Variants in PDK1 observed in about 807,000 individuals in gnomAD.
PDK1 encodes [Pyruvate dehydrogenase (acetyl-transferring)] kinase isozyme 1, mitochondrial.
A neutral mutation model predicts 54.2 loss-of-function variants in PDK1; 39 were observed. The ratio of observed to expected loss-of-function variants is 0.72; its 90% CI spans 0.56 to 0.94. The LOEUF (loss-of-function observed/expected upper bound fraction) is 0.94. Ranked by LOEUF, PDK1 falls within the 40% of genes least tolerant of loss-of-function variation. PDK1 has a pLI of 0.00. For missense variants in PDK1, 552 were observed against 566.0 expected (o/e 0.98, Z 0.25); for synonymous variants, 221 against 207.1 (o/e 1.07, Z -0.58).
chr2:172,653,076 C>T, the PDK1 span, among the ~76,000 whole-genome samples: 5 of 152,164 alleles, frequency 3.3e-5, no homozygotes, highest in Non-Finnish European at 5.9e-5. Context: ...AACTATACTA[C>T]AAGGCTATGG....
chr2:172,644,376 T>A, the PDK1 span, among the ~76,000 whole-genome samples: 1 of 152,212 alleles, frequency 6.6e-6, no homozygotes, highest in Non-Finnish European at 1.5e-5. Flanking sequence ...CTGGCTCTGA[T>A]GGTCATTAGT....
chr2:172,642,809 CT>C, the PDK1 span, among the ~76,000 whole-genome samples: 1 of 146,800 alleles, frequency 6.8e-6, no homozygotes, highest in African/African-American at 2.7e-5. Flanking sequence ...CCTCCTCCTC[CT>C]TCTTCTTCTC....
chr2:172,589,779 C>T (rs1312936024), intron 9 of PDK1, among the ~76,000 whole-genome samples: 7 of 152,196 alleles, frequency 4.6e-5, no homozygotes, highest in Non-Finnish European at 1.0e-4. Flanking sequence ...TGTCATCAAA[C>T]ATATGACTTG....
At position 172,557,610 on chromosome 2, in the gene PDK1, CGTGTGTGTGT is replaced by C. The variant is rs55753852; in HGVS notation, c.197-1071_197-1062del. On this transcript the variant is annotated intron_variant, in intron 1 of 10. Transcript: ENST00000282077. ...TTCCTCTGCACTTACTCTTTTTTCC[CGTGTGTGTGT>C]GTGTGTGTGTGTGTGTGTGTGTGTG... is the stretch of plus-strand genomic sequence containing the variant. Among the ~76,000 whole-genome samples, 1,159 of 142,006 alleles carry C rather than the reference CGTGTGTGTGT, an allele frequency of 8.2e-3. 11 individuals are homozygous for C. Among genetic ancestry groups the C allele is most frequent in the African/African-American group, 0.027 (1,030 of 37,838 alleles). The allele number at this position is 142,006 out of a possible 152,430, so 93.2% of individuals were successfully genotyped here.
At chr2:172,622,769 G>T in the PDK1 span, among the ~76,000 whole-genome samples, 18 of 146,438 alleles carry the variant, frequency 1.2e-4, no homozygotes, top group South Asian at 2.1e-3. Flanking sequence ...CATTATGTGA[G>T]ATGTTTATAT....
At chr2:172,584,334 G>T (rs908708502) in intron 8 of PDK1, among the ~76,000 whole-genome samples, 3 of 150,772 alleles carry the variant, frequency 2.0e-5, no homozygotes, top group African/African-American at 4.9e-5. Flanking sequence ...TTTTATAATA[G>T]AATTTTTGCA....
chr2:172,707,639 T>C, the PDK1 span, among the ~76,000 whole-genome samples: 3 of 152,202 alleles, frequency 2.0e-5, no homozygotes, highest in African/African-American at 7.2e-5. Flanking sequence ...TCTTCTTCAC[T>C]CCACCTTTCA....
chr2:172,700,967 C>T, the PDK1 span, among the ~76,000 whole-genome samples: 9 of 151,954 alleles, frequency 5.9e-5, no homozygotes, highest in Admixed American at 1.3e-4. Flanking sequence ...AGTCCAGCCT[C>T]GGCTTGGCAT....
chr2:172,585,389 G>A (rs1415476321), intron 8 of PDK1, among the ~76,000 whole-genome samples: 8 of 135,692 alleles, frequency 5.9e-5, no homozygotes, highest in African/African-American at 8.8e-5. Context: ...GCAGTGGTAC[G>A]ATCTTGGCTC....
At chr2:172,592,903 C>A in intron 9 of PDK1, 32 bp from the exon 10 acceptor site, 3 of 1,186,762 alleles carry the variant, frequency 2.5e-6, no homozygotes, top group South Asian at 1.2e-5. Context: ...GTGTGTCTTT[C>A]TGAATAGAAT....
intron 4 of PDK1, 84 bp downstream of exon 4, chr2:172,564,771 GGTA>G: frequency 1.7e-5 from 12 of 688,678 alleles, no homozygotes; most frequent in Non-Finnish European, 2.4e-5. Flanking sequence ...GTTCCATTTA[GGTA>G]GGAAATTTAG....
At chr2:172,611,038 A>AT (rs1364831858), downstream of PDK1, among the ~76,000 whole-genome samples, 1 of 152,166 alleles carries the variant, frequency 6.6e-6, no homozygotes, top group Non-Finnish European at 1.5e-5. Flanking sequence ...TTTATATGTG[A>AT]TTTTTAAGTG....
the PDK1 span, among the ~76,000 whole-genome samples, chr2:172,648,160 A>C: frequency 6.6e-6 from 1 of 152,214 alleles, no homozygotes; most frequent in African/African-American, 2.4e-5. Flanking sequence ...GGATATTAGT[A>C]GGAAACCCGA....
intron 8 of PDK1, 120 bp from the exon 9 acceptor site, chr2:172,586,158 C>CAAAA: frequency 1.7e-5 from 6 of 350,418 alleles, no homozygotes; most frequent in East Asian, 5.5e-5. Flanking sequence ...GACTCTGTCT[C>CAAAA]AAAAAAAAAA....
At chr2:172,614,658 T>G in the PDK1 span, among the ~76,000 whole-genome samples, 1 of 152,280 alleles carries the variant, frequency 6.6e-6, no homozygotes, top group East Asian at 1.9e-4. Context: ...ATGGGATAAT[T>G]GCCTACAGAG....
chr2:172,704,317 C>A, the PDK1 span, among the ~76,000 whole-genome samples: 20 of 152,108 alleles, frequency 1.3e-4, no homozygotes, highest in African/African-American at 4.8e-4. Flanking sequence ...GAAAGAAGGG[C>A]AGCTGACAGT....
the PDK1 span, among the ~76,000 whole-genome samples, chr2:172,652,655 A>G: frequency 6.6e-5 from 10 of 152,326 alleles, no homozygotes; most frequent in Admixed American, 3.9e-4. Context: ...AAAAATCACA[A>G]TCATTCCTAT....
chr2:172,713,986 T>C, the PDK1 span, among the ~76,000 whole-genome samples: 1 of 152,366 alleles, frequency 6.6e-6, no homozygotes, highest in East Asian at 1.9e-4. Flanking sequence ...ATCATACCCA[T>C]TTTATATTTG....
intron 1 of PDK1, among the ~76,000 whole-genome samples, chr2:172,557,239 T>C (rs1393377792): frequency 6.6e-6 from 1 of 152,236 alleles, no homozygotes; most frequent in Non-Finnish European, 1.5e-5. Flanking sequence ...AGGGGCGAAT[T>C]TGGTGGTATT....
Sources: allele counts gnomAD v4.1 joint callset (sites outside exome capture counted in the v4.1 genomes callset), GRCh38; gene constraint gnomAD v4.1.1; transcripts MANE v1.5; gene names NCBI Gene and HGNC (gene_info 2026-07-23, HGNC 2026-07-21).